Variants in MAMDC2 observed in about 807,000 individuals in gnomAD.
MAMDC2 encodes MAM domain-containing protein 2.
Under a neutral mutation model 89.8 loss-of-function variants are expected in MAMDC2, and 57 were observed. That is an observed-to-expected ratio of 0.63 (90% CI 0.51 to 0.79). MAMDC2 has a LOEUF of 0.79. MAMDC2 is among the 30% of genes least tolerant of loss of function. The pLI is 0.00. For missense variants in MAMDC2, 800 were observed against 820.6 expected (o/e 0.97, Z 0.31); for synonymous variants, 313 against 293.4 (o/e 1.07, Z -0.68).
chr9:70,108,646 A>G (rs1828412084), intron 3 of MAMDC2, among the ~76,000 whole-genome samples, 164 bp downstream of exon 3: 1 of 152,226 alleles, frequency 6.6e-6, no homozygotes, highest in African/African-American at 2.4e-5. Flanking sequence ...GGAAATTAAC[A>G]TTTTGTTTAT....
chr9:70,085,626 G>A (rs1827752966), intron 2 of MAMDC2, among the ~76,000 whole-genome samples: 1 of 152,014 alleles, frequency 6.6e-6, no homozygotes, highest in African/African-American at 2.4e-5. Flanking sequence ...TGTGTTCTGA[G>A]GCATTCATAA....
intron 7 of MAMDC2, among the ~76,000 whole-genome samples, chr9:70,138,856 T>C (rs983477495): frequency 3.3e-5 from 5 of 152,108 alleles, no homozygotes; most frequent in African/African-American, 9.7e-5. Context: ...AACTGAGTGA[T>C]GACTTTCTTC....
intron 11 of MAMDC2, 24 bp from the exon 12 acceptor site, chr9:70,218,313 A>G: frequency 6.3e-7 from 1 of 1,586,106 alleles, no homozygotes; most frequent in South Asian, 1.1e-5. Flanking sequence ...TTTTAACAAT[A>G]CCTGCTTTTG....
intron 5 of MAMDC2, among the ~76,000 whole-genome samples, chr9:70,114,068 A>G (rs1389969019): frequency 1.3e-5 from 2 of 151,524 alleles, no homozygotes; most frequent in Non-Finnish European, 2.9e-5. Context: ...CTTCATCTGA[A>G]TATATTTAAC....
At chr9:70,113,609 C>G (rs1828567392) in intron 5 of MAMDC2, 1 of 154,046 alleles carries the variant, frequency 6.5e-6, no homozygotes, top group South Asian at 2.0e-4. Flanking sequence ...ACAGGCCCCC[C>G]TAGTGGCCAA....
At chr9:70,090,716 C>A (rs1827878699) in intron 2 of MAMDC2, 1 of 152,106 alleles carries the variant, frequency 6.6e-6, no homozygotes, top group African/African-American at 2.4e-5. Flanking sequence ...GTATAAATGG[C>A]ACATTTCCTT....
chr9:70,137,543 T>C lies in MAMDC2; in HGVS notation c.995-2602T>C, dbSNP rs576207418. On this transcript the variant is annotated intron_variant, in intron 7 of 13. Coordinates refer to ENST00000377182, the MANE Select transcript of MAMDC2 (RefSeq NM_153267.5). ...ATCTTGCATCCCTGGTAGCATTTGA[T>C]TGTCATGCCTCTTTCATCCACTTTA... Among the ~76,000 whole-genome samples, 131 of 152,296 alleles carry C rather than the reference T, an allele frequency of 8.6e-4. 1 individual carries two copies. Among genetic ancestry groups the C allele is most frequent in the African/African-American group, 3.1e-3 (128 of 41,570 alleles).
chr9:70,157,522 A>C (rs1490312984), intron 9 of MAMDC2: 1 of 152,618 alleles, frequency 6.6e-6, no homozygotes, highest in African/African-American at 2.4e-5. Context: ...TTCTAGTAGA[A>C]GTCTCTCTCC....
intron 11 of MAMDC2, among the ~76,000 whole-genome samples, chr9:70,184,585 A>AT (rs996268844): frequency 6.7e-5 from 10 of 149,244 alleles, no homozygotes; most frequent in Admixed American, 2.0e-4. Flanking sequence ...CATCTTTTTC[A>AT]TTTTTTTTCT....
chr9:70,199,942 T>C (rs1323008107), intron 11 of MAMDC2, among the ~76,000 whole-genome samples: 2 of 152,214 alleles, frequency 1.3e-5, no homozygotes, highest in Non-Finnish European at 2.9e-5. Flanking sequence ...TTGTAGATTC[T>C]GGATATTAGC....
intron 2 of MAMDC2, among the ~76,000 whole-genome samples, chr9:70,056,312 T>A (rs1011967760): frequency 6.6e-6 from 1 of 152,240 alleles, no homozygotes; most frequent in African/African-American, 2.4e-5. Flanking sequence ...GTTTTGATCC[T>A]ATATTAGCCA....
chr9:70,139,091 G>A (rs1043979906), intron 7 of MAMDC2, among the ~76,000 whole-genome samples: 12 of 151,562 alleles, frequency 7.9e-5, no homozygotes, highest in African/African-American at 2.9e-4. Context: ...AACATTCACA[G>A]TCATGACAGG....
rs1298524009 is a variant in MAMDC2 at position 70,200,489 on chromosome 9, T to A, written c.1652-17848T>A. 2.0e-5 allele frequency among the ~76,000 whole-genome samples: 3 copies of A among 151,044 alleles called. No individual in the cohort carries two copies. The East Asian group carries it at 5.8e-4, about 29-fold the overall frequency. On this transcript the variant is annotated intron_variant, in intron 11 of 13. Transcript: ENST00000377182. Reference sequence around the variant, plus strand: ...ATAGTTTGAAGTCAGGTAGCGTGATTCCTCCAGCTTTGTTCTTTTGGCTTA... The same window carrying A: ...ATAGTTTGAAGTCAGGTAGCGTGATACCTCCAGCTTTGTTCTTTTGGCTTA...
At chr9:70,149,207 C>CAAA (rs3071388) in intron 9 of MAMDC2, among the ~76,000 whole-genome samples, 1 of 109,722 alleles carries the variant, frequency 9.1e-6, no homozygotes, top group Non-Finnish European at 1.8e-5. Context: ...GACCCCATCT[C>CAAA]AAAAAAAAAA....
intron 5 of MAMDC2, among the ~76,000 whole-genome samples, chr9:70,116,695 T>C (rs1463859170): frequency 8.7e-6 from 1 of 115,326 alleles, no homozygotes; most frequent in African/African-American, 3.0e-5. Flanking sequence ...CATTTGGCAT[T>C]AGAAAAAAAA....
intron 7 of MAMDC2, among the ~76,000 whole-genome samples, chr9:70,134,004 T>C (rs890947829): frequency 6.6e-6 from 1 of 152,212 alleles, no homozygotes; most frequent in Non-Finnish European, 1.5e-5. Flanking sequence ...TACTTCATCT[T>C]ACATTTCACA....
At chr9:70,108,571 T>A in intron 3 of MAMDC2, 89 bp downstream of exon 3, 4 of 1,158,780 alleles carry the variant, frequency 3.5e-6, no homozygotes, top group Non-Finnish European at 4.8e-6. Flanking sequence ...ACATGGAGGT[T>A]AGTTATCTCC....
At chr9:70,223,372 A>C (rs1368099108) in intron 12 of MAMDC2, among the ~76,000 whole-genome samples, 2 of 152,202 alleles carry the variant, frequency 1.3e-5, no homozygotes, top group African/African-American at 4.8e-5. Flanking sequence ...ATTATGTACA[A>C]ATAGAATGTA....
At chr9:70,199,469 G>A (rs1239686137) in intron 11 of MAMDC2, among the ~76,000 whole-genome samples, 1 of 150,150 alleles carries the variant, frequency 6.7e-6, no homozygotes, top group Admixed American at 6.7e-5. Context: ...ATTTGGGTTG[G>A]TTCCAAGCCT....
Sources: allele counts gnomAD v4.1 joint callset (sites outside exome capture counted in the v4.1 genomes callset), GRCh38; gene constraint gnomAD v4.1.1; transcripts MANE v1.5; gene names NCBI Gene and HGNC (gene_info 2026-07-23, HGNC 2026-07-21).